The following GRIK4 variants were observed in gnomAD, a reference collection of about 807,000 sequenced individuals.
GRIK4 encodes the protein glutamate receptor ionotropic, kainate 4.
Under a neutral mutation model 104.9 loss-of-function variants are expected in GRIK4, and 40 were observed. The observed-to-expected ratio is 0.38, with a 90% CI of 0.30 to 0.50. The LOEUF is 0.50. Ranked by LOEUF, GRIK4 falls within the 20% of genes least tolerant of loss-of-function variation. The probability of loss-of-function intolerance (pLI) is 0.93; values close to 1 mark genes in which losing one functional copy is unlikely to be tolerated. For missense variants in GRIK4, 1,047 were observed against 1,308.1 expected, an observed-to-expected ratio of 0.80 and a Z score of 3.08; for synonymous variants, 485 against 524.9, an observed-to-expected ratio of 0.92 and a Z score of 1.04.
chr11:120,791,186 A>G (rs1952387181), intron 3 of GRIK4, among the ~76,000 whole-genome samples: 1 of 152,176 alleles, frequency 6.6e-6, no homozygotes, highest in South Asian at 2.1e-4. Flanking sequence ...AGTGTCTAGC[A>G]TTACATGGAA....
At position 120,603,997 on chromosome 11, in the gene GRIK4, C is replaced by T. The variant is rs1014946122; in HGVS notation, c.-158-49688C>T. 5.9e-5 allele frequency among the ~76,000 whole-genome samples: 9 copies of T among 151,700 alleles called. No individual in the cohort carries two copies. In the South Asian group the frequency reaches 6.3e-4, roughly 11 times the overall value. On this transcript the variant is annotated intron_variant, in intron 1 of 20. Coordinates refer to ENST00000527524, the MANE Select transcript of GRIK4 (RefSeq NM_014619.5). ...CATCCTGGCTAACACGGTGAAACCC[C>T]GTCTCTACTAAAAATACAAAAAAAA... is the stretch of plus-strand genomic sequence containing the variant.
In GRIK4 at chr11:120,819,988, G is replaced by A; in HGVS notation, c.511+68G>A. On this transcript the variant is annotated intron_variant, in intron 6 of 20. Transcript: ENST00000527524. The surrounding 1 kb of genome is among the most constrained non-coding windows in gnomAD (Gnocchi z 4.3). Reference sequence around the variant, plus strand: ...TGTTGATTTTGCCCTGATTCCCTGTGCCCCTGGCTGGAGACCCTCCAGGAA... The same window carrying A: ...TGTTGATTTTGCCCTGATTCCCTGTACCCCTGGCTGGAGACCCTCCAGGAA... The A allele has an allele frequency of 1.3e-6, 2 of 1,499,982 alleles. No homozygotes were observed. The highest frequency in any genetic ancestry group is 1.8e-6 in the Non-Finnish European group (2 of 1,087,926). The allele number at this position is 1,499,982 out of a possible 1,614,324, so 92.9% of individuals were successfully genotyped here.
At chr11:120,943,911 C>T (rs1943788717) in intron 14 of GRIK4, among the ~76,000 whole-genome samples, 1 of 152,188 alleles carries the variant, frequency 6.6e-6, no homozygotes. Flanking sequence ...TTCCAGCGAT[C>T]CAAGATTATC....
At chr11:120,738,810 C>T (rs573688681) in intron 3 of GRIK4, among the ~76,000 whole-genome samples, 1 of 152,314 alleles carries the variant, frequency 6.6e-6, no homozygotes, top group South Asian at 2.1e-4. Flanking sequence ...GTGTCTTGTT[C>T]GTGCCTTCCC....
At chr11:120,581,621 G>A (rs1412630551) in intron 1 of GRIK4, among the ~76,000 whole-genome samples, 2 of 151,982 alleles carry the variant, frequency 1.3e-5, no homozygotes, top group African/African-American at 2.4e-5. Flanking sequence ...CTGTGAATTT[G>A]ACTACTCTAG....
intron 1 of GRIK4, among the ~76,000 whole-genome samples, chr11:120,602,455 C>A (rs1022037428): frequency 2.0e-5 from 3 of 152,096 alleles, no homozygotes; most frequent in Admixed American, 2.0e-4. Flanking sequence ...AAGGAATTGG[C>A]CTGGCAGCTT....
intron 3 of GRIK4, among the ~76,000 whole-genome samples, chr11:120,704,499 C>T (rs558262389): frequency 6.6e-5 from 10 of 152,274 alleles, no homozygotes; most frequent in East Asian, 3.9e-4. Context: ...GAAGCCTGCA[C>T]GTAATTTACA....
chr11:120,579,929 G>A (rs916905658), intron 1 of GRIK4, among the ~76,000 whole-genome samples: 1 of 151,900 alleles, frequency 6.6e-6, no homozygotes, highest in Non-Finnish European at 1.5e-5. Flanking sequence ...CACCCTTGGC[G>A]ACCACTGATC....
intron 3 of GRIK4, among the ~76,000 whole-genome samples, chr11:120,748,343 C>G (rs1951483857): frequency 6.6e-6 from 1 of 152,122 alleles, no homozygotes; most frequent in South Asian, 2.1e-4. Context: ...TCTTCTTGCA[C>G]CTCATTTTTC....
intron 14 of GRIK4, among the ~76,000 whole-genome samples, chr11:120,942,541 G>C (rs967844761): frequency 6.6e-6 from 1 of 152,148 alleles, no homozygotes; most frequent in African/African-American, 2.4e-5. Flanking sequence ...GATGGCAGAA[G>C]GTACCTGACC....
intron 13 of GRIK4, among the ~76,000 whole-genome samples, chr11:120,923,661 G>C (rs895669719): frequency 6.6e-6 from 1 of 151,946 alleles, no homozygotes; most frequent in East Asian, 1.9e-4. Context: ...GATCCGCCCG[G>C]CTCGGCCTCC....
At chr11:120,904,182 T>A (rs1218607776) in intron 12 of GRIK4, among the ~76,000 whole-genome samples, 1 of 152,166 alleles carries the variant, frequency 6.6e-6, no homozygotes, top group Non-Finnish European at 1.5e-5. Context: ...GTGCAATCTC[T>A]GGCCCCTGTC....
At chr11:120,758,479 C>T (rs960410358) in intron 3 of GRIK4, among the ~76,000 whole-genome samples, 1 of 152,096 alleles carries the variant, frequency 6.6e-6, no homozygotes, top group Non-Finnish European at 1.5e-5. Flanking sequence ...TATATATATT[C>T]ACCTCTTAGA....
intron 1 of GRIK4, among the ~76,000 whole-genome samples, chr11:120,604,662 C>T (rs1416652996): frequency 1.3e-5 from 2 of 152,204 alleles, no homozygotes; most frequent in Non-Finnish European, 2.9e-5. Context: ...AGGAAGGGGC[C>T]AGCCAGCCCC....
intron 6 of GRIK4, among the ~76,000 whole-genome samples, chr11:120,831,554 G>T (rs534607173): frequency 6.6e-6 from 1 of 152,182 alleles, no homozygotes; most frequent in African/African-American, 2.4e-5. Context: ...TGGGGAGGAG[G>T]GGGGATTCTC....
intron 1 of GRIK4, among the ~76,000 whole-genome samples, chr11:120,623,605 A>G (rs970127773): frequency 4.6e-5 from 7 of 152,348 alleles, no homozygotes; most frequent in Admixed American, 3.3e-4. Context: ...CTTCTATTTC[A>G]TTAAAGAAAA....
chr11:120,632,496 C>T (rs1047748981), intron 1 of GRIK4, among the ~76,000 whole-genome samples: 2 of 152,094 alleles, frequency 1.3e-5, no homozygotes, highest in African/African-American at 4.8e-5. Context: ...GGACCCTGCT[C>T]ACTTAGAACC....
intron 3 of GRIK4, among the ~76,000 whole-genome samples, chr11:120,731,852 A>C (rs1295260750): frequency 6.6e-6 from 1 of 152,138 alleles, no homozygotes. Flanking sequence ...ATAGTTGCTT[A>C]TAGTAGCCAC....
chr11:120,865,386 T>C (rs1160269490), intron 9 of GRIK4, among the ~76,000 whole-genome samples: 1 of 152,254 alleles, frequency 6.6e-6, no homozygotes, highest in Non-Finnish European at 1.5e-5. Flanking sequence ...CGCGGACCTG[T>C]GGGTCAGCGA....
Sources: gnomAD v4.1 joint callset for allele counts (sites outside exome capture counted in the v4.1 genomes callset) on GRCh38, gnomAD v4.1.1 for gene constraint, Gnocchi (gnomAD v3.1) non-coding constraint, MANE v1.5 for transcripts, NCBI Gene and HGNC (gene_info 2026-07-23, HGNC 2026-07-21) for gene names.